The following GRID2 variants were observed in gnomAD, a reference collection of about 807,000 sequenced individuals.
The protein encoded by GRID2 is glutamate ionotropic receptor delta type subunit 2, also known as glutamate receptor ionotropic, delta-2.
Under a neutral mutation model 114.8 loss-of-function variants are expected in GRID2, and 33 were observed. The observed-to-expected ratio is 0.29, with a 90% CI of 0.22 to 0.38. GRID2 has a LOEUF of 0.38. Ranked by LOEUF, GRID2 falls within the 10% of genes least tolerant of loss-of-function variation. GRID2 has a pLI of 1.00. For synonymous variants in GRID2, 505 were observed against 449.9 expected, an observed-to-expected ratio of 1.12 and a Z score of -1.55; for missense variants, 1,184 against 1,257.7, an observed-to-expected ratio of 0.94 and a Z score of 0.89.
chr4:93,473,753 T>C (rs1056166084), intron 11 of GRID2, among the ~76,000 whole-genome samples: 3 of 152,174 alleles, frequency 2.0e-5, no homozygotes, highest in African/African-American at 7.2e-5. Flanking sequence ...CCTCAGTTAA[T>C]GTCTTCACAT....
chr4:92,629,827 T>C (rs989869877), intron 2 of GRID2, among the ~76,000 whole-genome samples: 4 of 148,260 alleles, frequency 2.7e-5, no homozygotes, highest in Non-Finnish European at 6.0e-5. Flanking sequence ...AAGATAAAAT[T>C]GTAGGTTTTA....
At chr4:92,625,424 G>A (rs778452189) in intron 2 of GRID2, among the ~76,000 whole-genome samples, 2 of 151,764 alleles carry the variant, frequency 1.3e-5, no homozygotes, top group Non-Finnish European at 2.9e-5. Context: ...TAGATAATTA[G>A]AGGCAAAAGT....
intron 4 of GRID2, among the ~76,000 whole-genome samples, chr4:93,124,011 A>G (rs1734035268): frequency 6.6e-6 from 1 of 151,328 alleles, no homozygotes; most frequent in African/African-American, 2.4e-5. Flanking sequence ...ATGCTAGATG[A>G]CACGTTAGTG....
intron 2 of GRID2, among the ~76,000 whole-genome samples, chr4:92,947,374 G>A (rs762713973): frequency 1.3e-5 from 2 of 151,902 alleles, no homozygotes; most frequent in Non-Finnish European, 2.9e-5. Context: ...AAATAATGCA[G>A]TTCTTCCCTA....
chr4:92,827,832 T>C (rs1313482001), intron 2 of GRID2, among the ~76,000 whole-genome samples: 1 of 152,108 alleles, frequency 6.6e-6, no homozygotes, highest in Non-Finnish European at 1.5e-5. Flanking sequence ...AACATAGAGC[T>C]TGTTATATTG....
At chr4:92,970,018 G>GA (rs140922667) in intron 2 of GRID2, among the ~76,000 whole-genome samples, 2 of 151,976 alleles carry the variant, frequency 1.3e-5, no homozygotes, top group African/African-American at 4.8e-5. Flanking sequence ...GCTAACAATG[G>GA]AAAAATGTTT....
intron 14 of GRID2, among the ~76,000 whole-genome samples, chr4:93,644,647 T>C (rs1196346146): frequency 6.6e-6 from 1 of 152,188 alleles, no homozygotes; most frequent in Non-Finnish European, 1.5e-5. Context: ...ATTAATTTCC[T>C]CTTTTCTGCA....
intron 1 of GRID2, among the ~76,000 whole-genome samples, chr4:92,543,654 CTGAA>C (rs983888721): frequency 1.3e-5 from 2 of 151,940 alleles, no homozygotes; most frequent in South Asian, 4.2e-4. Flanking sequence ...CCAATAATTG[CTGAA>C]TGAATGAATG....
At chr4:93,416,354 A>G (rs1580007722) in intron 9 of GRID2, among the ~76,000 whole-genome samples, 1 of 152,092 alleles carries the variant, frequency 6.6e-6, no homozygotes, top group East Asian at 1.9e-4. Context: ...ATAAGCTCAC[A>G]CCATGCATAA....
chr4:93,132,191 G>A (rs1734866895), intron 4 of GRID2, among the ~76,000 whole-genome samples: 1 of 152,132 alleles, frequency 6.6e-6, no homozygotes, highest in Non-Finnish European at 1.5e-5. Context: ...TCACCTTGAG[G>A]TCAGGGGCTA....
chr4:93,784,050 C>T (rs1321418929), intron 1 of GRID2, among the ~76,000 whole-genome samples: 2 of 108,924 alleles, frequency 1.8e-5, no homozygotes, highest in Admixed American at 1.5e-4. Flanking sequence ...CCAGCCTGGG[C>T]GACAGAGCGA....
At chr4:93,659,345 G>A (rs1057375271) in intron 14 of GRID2, among the ~76,000 whole-genome samples, 2 of 152,054 alleles carry the variant, frequency 1.3e-5, no homozygotes. Context: ...TTATAAAGTT[G>A]TCGTCACACC....
chr4:93,247,381 G>A (rs534686247), intron 8 of GRID2, among the ~76,000 whole-genome samples: 2 of 152,128 alleles, frequency 1.3e-5, no homozygotes, highest in Non-Finnish European at 2.9e-5. Context: ...CATACGGATA[G>A]GCATCATCCA....
chr4:92,713,464 CATATACATATACATATATATATAT>C (rs1165872798), intron 2 of GRID2, among the ~76,000 whole-genome samples: 2 of 73,226 alleles, frequency 2.7e-5, no homozygotes, highest in African/African-American at 1.1e-4. Context: ...CATATATTTA[CATATACATATACATATATATATAT>C]ATATATATAT....
intron 8 of GRID2, among the ~76,000 whole-genome samples, chr4:93,328,129 C>A (rs200122307): frequency 1.4e-5 from 2 of 148,078 alleles, no homozygotes; most frequent in African/African-American, 2.5e-5. Flanking sequence ...AAAACAAAAA[C>A]AAAAAAAAAA....
At chr4:93,337,493 C>T (rs1759205499) in intron 8 of GRID2, among the ~76,000 whole-genome samples, 1 of 152,120 alleles carries the variant, frequency 6.6e-6, no homozygotes, top group South Asian at 2.1e-4. Flanking sequence ...CTTAGACAAC[C>T]CCAATCTTTT....
chr4:92,917,211 GT>G (rs1461593756), intron 2 of GRID2, among the ~76,000 whole-genome samples: 4 of 152,058 alleles, frequency 2.6e-5, no homozygotes, highest in African/African-American at 2.4e-5. Context: ...GGGGTTGTTT[GT>G]TTTTTTCTTG....
chr4:92,314,037 A>G (rs1725840134), intron 1 of GRID2, among the ~76,000 whole-genome samples: 2 of 152,078 alleles, frequency 1.3e-5, no homozygotes, highest in South Asian at 4.1e-4. Context: ...TTTTTCTTTC[A>G]ACTTATATAA....
At chr4:92,472,357 A>G (rs1221840359) in intron 1 of GRID2, among the ~76,000 whole-genome samples, 3 of 152,136 alleles carry the variant, frequency 2.0e-5, no homozygotes, top group Non-Finnish European at 4.4e-5. Flanking sequence ...TGTTGTTTTC[A>G]GCTTTGGCTG....
Sources: allele counts gnomAD v4.1 joint callset (sites outside exome capture counted in the v4.1 genomes callset), GRCh38; gene constraint gnomAD v4.1.1; transcripts MANE v1.5; gene names NCBI Gene and HGNC (gene_info 2026-07-23, HGNC 2026-07-21).